OXA1L: variants seen among roughly 807,000 people sequenced by gnomAD.
OXA1L encodes mitochondrial inner membrane protein OXA1L.
OXA1L carries 42 observed loss-of-function variants against 52.2 expected under a neutral mutation model. That is an observed-to-expected ratio of 0.80 (90% CI 0.63 to 1.04). The LOEUF (loss-of-function observed/expected upper bound fraction) is 1.04. Among genes scored for constraint, OXA1L ranks in the 50% least tolerant of loss-of-function variants. The pLI, the probability that OXA1L is intolerant of heterozygous loss-of-function variation, is 0.00. For missense variants in OXA1L, 572 were observed against 555.0 expected, an observed-to-expected ratio of 1.03 and a Z score of -0.31; for synonymous variants, 239 against 201.9, an observed-to-expected ratio of 1.18 and a Z score of -1.56.
At position 22,767,393 on chromosome 14, in the gene OXA1L, C is replaced by T; in HGVS notation, c.209C>T (p.Ser70Phe). 6.2e-7 allele frequency: 1 copy of T among 1,607,622 alleles called. No homozygotes were observed. Among genetic ancestry groups the T allele is most frequent in the East Asian group, 2.2e-5 (1 of 44,802 alleles). Residue 70 changes from serine (S) to phenylalanine (F), a missense_variant, in exon 2 of 10, where the codon TCT becomes TTT. By Grantham distance (155) the Ser-to-Phe change is radical. Around this residue, in one of 5 missense-constraint regions of OXA1L, gnomAD observed 186 missense variants for 151.8 expected, o/e 1.23. Coordinates refer to ENST00000612549, the MANE Select transcript of OXA1L (RefSeq NM_005015.5). ...GPRSLSTSAI[S>F]FAEVQVQAPP... ...CGCAGCCTCAGTACCTCTGCTATCT[C>T]TTTTGCAGAAGTCCAGGTAAGAGGC...
intron 5 of OXA1L, 65 bp from the exon 6 acceptor site, chr14:22,770,396 G>T: frequency 6.3e-7 from 1 of 1,581,626 alleles, no homozygotes. Context: ...ATGGCTTTCA[G>T]TAGTGGGGTG....
At chr14:22,770,103 A>G in intron 4 of OXA1L, 90 bp from the exon 5 acceptor site, 1 of 1,340,956 alleles carries the variant, frequency 7.5e-7, no homozygotes, top group Non-Finnish European at 1.1e-6. Flanking sequence ...AGGGTTGGTT[A>G]GAAATTTCAC....
chr14:22,771,802 T>TA lies in OXA1L; in HGVS notation c.*245dup, dbSNP rs1353397539. On this transcript the variant is annotated 3_prime_UTR_variant, in exon 10 of 10. Coordinates refer to ENST00000612549, the MANE Select transcript of OXA1L (RefSeq NM_005015.5). The stretch of plus-strand genomic sequence containing the variant: ...GTACTACATGCTGCTTCCTGATACT[T>TA]ATTGAACAGGGAAATCAGTGTGCAC... 7 of 489,222 alleles carry TA rather than the reference T, an allele frequency of 1.4e-5. No homozygotes were observed. Among genetic ancestry groups the TA allele is most frequent in the African/African-American group, 1.4e-4 (7 of 51,826 alleles). The allele number at this position is 489,222 out of a possible 1,614,324, so 30.3% of individuals were successfully genotyped here.
Position 22,771,111 on chromosome 14 carries a change from C to T in OXA1L, c.1033C>T (p.Pro345Ser), listed in dbSNP as rs1340937764. Residue 345 changes from proline (P) to serine (S), a missense_variant, in exon 8 of 10, where the codon CCC becomes TCC. This residue lies in a region of OXA1L where 244 missense variants were observed against 240.2 expected (regional missense o/e 1.02). Coordinates refer to ENST00000612549, the MANE Select transcript of OXA1L (RefSeq NM_005015.5). ...IPAVRTVLKI[P>S]QRVVHDLDKL... ...AGCAGTACGCACTGTACTTAAAATC[C>T]CCCAGCGTGTTGTACATGACCTGGA... 6.2e-7 allele frequency: 1 copy of T among 1,614,024 alleles called. No individual in the cohort carries two copies. Among genetic ancestry groups the T allele is most frequent in the South Asian group, 1.1e-5 (1 of 91,092 alleles).
In OXA1L at chr14:22,770,183, C is replaced by G. The variant is rs1193512810; in HGVS notation, c.584-10C>G. On this transcript the variant is annotated splice_polypyrimidine_tract_variant and intron_variant, in intron 4 of 9. Transcript: ENST00000612549. ...GTTACCCCAACCATTAATTTCCCCT[C>G]ACCTCACAGATTACAAGGCTTCCTC... The G allele has an allele frequency of 6.3e-7, 1 of 1,587,952 alleles. No homozygotes were observed. The highest frequency in any genetic ancestry group is 8.6e-7 in the Non-Finnish European group (1 of 1,156,196).
chr14:22,771,431 C>T lies in OXA1L; in HGVS notation c.1184-3C>T, dbSNP rs111327356. Reference sequence around the variant, plus strand: ...TGAAATTTGTTTTCTCTTCTCCCCTCAGGTCCTTTACGACAGACCTTTACC... The same window carrying T: ...TGAAATTTGTTTTCTCTTCTCCCCTTAGGTCCTTTACGACAGACCTTTACC... On this transcript the variant is annotated splice_polypyrimidine_tract_variant and splice_region_variant and intron_variant, in intron 9 of 9. Coordinates refer to ENST00000612549, the MANE Select transcript of OXA1L (RefSeq NM_005015.5). The T allele has an allele frequency of 6.2e-7, 1 of 1,614,220 alleles. No individual in the cohort carries two copies. The highest frequency in any genetic ancestry group is 1.7e-5 in the Admixed American group (1 of 60,030).
In OXA1L at chr14:22,766,760, G is replaced by C. The variant is rs762943736; in HGVS notation, c.59G>C (p.Arg20Pro). Residue 20 changes from arginine (R) to proline (P), a missense_variant, in exon 1 of 10, where the codon CGT (arginine) becomes CCT (proline). Coordinates refer to ENST00000612549, the MANE Select transcript of OXA1L (RefSeq NM_005015.5). ...RELLRLLQSG[R>P]RVHSVAGPSQ... ...CTTCTGCGCTTGCTACAGTCCGGGCGTCGGGTAAGGATGCCCCGGGGCAGA... is the reference window on the plus strand; with the variant it reads ...CTTCTGCGCTTGCTACAGTCCGGGCCTCGGGTAAGGATGCCCCGGGGCAGA... 1.9e-6 allele frequency: 3 copies of C among 1,614,208 alleles called. No homozygotes were observed. The East Asian group carries it at 6.7e-5, about 36-fold the overall frequency.
intron 2 of OXA1L, 133 bp from the exon 3 acceptor site, chr14:22,767,825 C>G (rs763634481): frequency 1.9e-5 from 12 of 641,342 alleles, no homozygotes; most frequent in Non-Finnish European, 3.1e-5. Context: ...AGCTTGAAAT[C>G]TGCAGACACT....
At position 22,767,090 on chromosome 14, in the gene OXA1L, C is replaced by G. The variant is rs1230545003; in HGVS notation, c.64-158C>G. 4 of 1,536,038 alleles carry G rather than the reference C, an allele frequency of 2.6e-6. No individual in the cohort carries two copies. The African/African-American group carries it at 4.1e-5, about 16-fold the overall frequency. ...TCTGCAGGCACCACCCGCTGCATGC[C>G]TTCGGGCTAGCGGTCTGCGCGCGGT... On this transcript the variant is annotated intron_variant, in intron 1 of 9. Coordinates refer to ENST00000612549, the MANE Select transcript of OXA1L (RefSeq NM_005015.5).
In OXA1L at chr14:22,769,925, C is replaced by T; in HGVS notation, c.574C>T (p.His192Tyr). Residue 192 changes from histidine to tyrosine, a missense_variant, in exon 4 of 10, where the codon CAT (histidine) becomes TAT (tyrosine). By Grantham distance (83) the His-to-Tyr change is moderately conservative. Transcript: ENST00000612549. ...CAGAGAGGCCAAGTTAGCAGGAGAC[C>T]ATATTGAGTGTGAGTCAGTTGCAGA... ...RIREAKLAGD[H>Y]IEYYKASSEM... The T allele has an allele frequency of 1.2e-6, 2 of 1,614,110 alleles. No individual in the cohort carries two copies. Among genetic ancestry groups the T allele is most frequent in the Non-Finnish European group, 1.7e-6 (2 of 1,180,008 alleles).
chr14:22,770,482 TTCA>T lies in OXA1L; in HGVS notation c.693_695del (p.Ile232del). The T allele has an allele frequency of 1.2e-6, 2 of 1,614,022 alleles. No individual in the cohort carries two copies. Among genetic ancestry groups the T allele is most frequent in the Non-Finnish European group, 1.7e-6 (2 of 1,179,858 alleles). On this transcript the variant is annotated inframe_deletion, in exon 6 of 10. Coordinates refer to ENST00000612549, the MANE Select transcript of OXA1L (RefSeq NM_005015.5). ...ATAGGCCCCAATCTTCATCTCCTTC[TTCA>T]TTGCTTTGAGAGAGATGGCCAACCT...
chr14:22,770,451 T>C lies in OXA1L; in HGVS notation c.670-10T>C, dbSNP rs1476317781. ...TAAAGCATGCTGACACTGTTTATCT[T>C]GTGTAATAGGCCCCAATCTTCATCT... On this transcript the variant is annotated splice_polypyrimidine_tract_variant and intron_variant, in intron 5 of 9. Transcript: ENST00000612549. The C allele has an allele frequency of 3.1e-6, 5 of 1,611,420 alleles. No individual in the cohort carries two copies. Among genetic ancestry groups the C allele is most frequent in the Non-Finnish European group, 4.2e-6 (5 of 1,177,760 alleles).
In OXA1L at chr14:22,769,990, A is replaced by C. The variant is rs553595926; in HGVS notation, c.583+56A>C. 34 of 1,593,434 alleles carry C rather than the reference A, an allele frequency of 2.1e-5. 1 individual carries two copies. In the Middle Eastern group the frequency reaches 5.0e-4, roughly 23 times the overall value. On this transcript the variant is annotated intron_variant, in intron 4 of 9. Coordinates refer to ENST00000612549, the MANE Select transcript of OXA1L (RefSeq NM_005015.5). ...AGTCCACATTTGCACTTTTCCTTACATTCTGCTGGGGGAAAGGAACAATGT... is the reference window on the plus strand; with the variant it reads ...AGTCCACATTTGCACTTTTCCTTACCTTCTGCTGGGGGAAAGGAACAATGT...
rs771438929 is a variant in OXA1L, at chr14:22,767,401, G to A, written c.217G>A (p.Glu73Lys). 8.1e-6 allele frequency: 13 copies of A among 1,605,420 alleles called. No individual in the cohort carries two copies. In the Admixed American group the frequency reaches 1.2e-4, roughly 15 times the overall value. Residue 73 changes from glutamate to lysine, a missense_variant, in exon 2 of 10, where the codon GAA becomes AAA. By Grantham distance (56) the Glu-to-Lys change is moderately conservative. This residue lies in a region of OXA1L where 186 missense variants were observed against 151.8 expected (regional missense o/e 1.23). Coordinates refer to ENST00000612549, the MANE Select transcript of OXA1L (RefSeq NM_005015.5). ...SLSTSAISFAEVQVQAPPVVA... is the reference protein window; with the variant it reads ...SLSTSAISFAKVQVQAPPVVA... ...CAGTACCTCTGCTATCTCTTTTGCA[G>A]AAGTCCAGGTAAGAGGCCTTTCGTT...
chr14:22,772,225 A>C lies in OXA1L; in HGVS notation c.*667A>C, dbSNP rs10135803. 7.4e-6 allele frequency: 1 copy of C among 135,260 alleles called. No homozygotes were observed. The highest frequency in any genetic ancestry group is 2.5e-5 in the African/African-American group (1 of 39,810). The allele number at this position is 135,260 out of a possible 1,614,324, so 8.4% of individuals were successfully genotyped here. A position where few individuals can be genotyped will look rare whatever the true frequency, so the allele number is the denominator to read the frequency against. On this transcript the variant is annotated 3_prime_UTR_variant, in exon 10 of 10. Coordinates refer to ENST00000612549, the MANE Select transcript of OXA1L (RefSeq NM_005015.5). Reference sequence around the variant, plus strand: ...CCACCCAGGCGCAGTGGCTCACGCCAGTAATCCCAGCACTTTTGGGAGGCC... The same window carrying C: ...CCACCCAGGCGCAGTGGCTCACGCCCGTAATCCCAGCACTTTTGGGAGGCC...
chr14:22,771,750 TC>T lies in OXA1L; in HGVS notation c.*195del, dbSNP rs1735067808. On this transcript the variant is annotated 3_prime_UTR_variant, in exon 10 of 10. Coordinates refer to ENST00000612549, the MANE Select transcript of OXA1L (RefSeq NM_005015.5). Reference sequence around the variant, plus strand: ...AGAGCACTGGGTAGCCAAGTGATCTTCCCATTCACAGAGTTAGTAAACCTCT... The same window carrying T: ...AGAGCACTGGGTAGCCAAGTGATCTTCCATTCACAGAGTTAGTAAACCTCT... 3.2e-6 allele frequency: 2 copies of T among 624,066 alleles called. No homozygotes were observed. The highest frequency in any genetic ancestry group is 5.6e-6 in the Non-Finnish European group (2 of 355,556). 38.7% of individuals were successfully genotyped at this position (624,066 alleles called of 1,614,324 possible).
At chr14:22,767,829 A>G in intron 2 of OXA1L, 129 bp from the exon 3 acceptor site, 1 of 660,534 alleles carries the variant, frequency 1.5e-6, no homozygotes, top group Non-Finnish European at 2.5e-6. Context: ...TGAAATCTGC[A>G]GACACTAGGC....
At chr14:22,769,970 A>G (rs1179570296) in intron 4 of OXA1L, 36 bp downstream of exon 4, 2 of 1,610,404 alleles carry the variant, frequency 1.2e-6, no homozygotes, top group Admixed American at 1.7e-5. Context: ...GGAGAAGTCC[A>G]CATTTGCACT....
In OXA1L at chr14:22,772,485, T is replaced by C. The variant is rs1200125680; in HGVS notation, c.*927T>C. The C allele has an allele frequency of 1.9e-4, 8 of 42,598 alleles. No individual in the cohort carries two copies. Among genetic ancestry groups the C allele is most frequent in the African/African-American group, 3.4e-4 (2 of 5,886 alleles). The allele number at this position is 42,598 out of a possible 1,614,324, so 2.6% of individuals were successfully genotyped here. A position where few individuals can be genotyped will look rare whatever the true frequency, so the allele number is the denominator to read the frequency against. On this transcript the variant is annotated 3_prime_UTR_variant, in exon 10 of 10. Transcript: ENST00000612549. Reference sequence around the variant, plus strand: ...GCCTGGGCAAGAGAGTGAGACTCCTTCTCAAAAAAAAAAAAAAAAAAAAAA... The same window carrying C: ...GCCTGGGCAAGAGAGTGAGACTCCTCCTCAAAAAAAAAAAAAAAAAAAAAA...
Sources: allele counts gnomAD v4.1 joint callset, GRCh38; gene constraint gnomAD v4.1.1; regional missense constraint gnomAD v4.1.1; transcripts MANE v1.5; gene names NCBI Gene and HGNC (gene_info 2026-07-23, HGNC 2026-07-21).